Variants in RYR1 observed in about 807,000 individuals in gnomAD.
The protein encoded by RYR1 is central core disease of muscle.
RYR1 carries 342 observed loss-of-function variants against 583.5 expected under a neutral mutation model. That is an observed-to-expected ratio of 0.59 (90% CI 0.54 to 0.64). The LOEUF is 0.64. RYR1 is among the 30% of genes least tolerant of loss of function. The pLI, the probability that RYR1 is intolerant of heterozygous loss-of-function variation, is 0.00. For synonymous variants in RYR1, 2,791 were observed against 2,822.5 expected, an observed-to-expected ratio of 0.99 and a Z score of 0.35; for missense variants, 6,032 against 6,917.2, an observed-to-expected ratio of 0.87 and a Z score of 4.54.
chr19:38,495,251 GAAT>G (rs1333393397), intron 39 of RYR1, among the ~76,000 whole-genome samples: 2 of 152,118 alleles, frequency 1.3e-5, no homozygotes, highest in Non-Finnish European at 2.9e-5. Flanking sequence ...GAGCTCATGC[GAAT>G]AATAATAATT....
At chr19:38,493,622 C>T (rs750890191) in intron 38 of RYR1, among the ~76,000 whole-genome samples, 2 of 150,984 alleles carry the variant, frequency 1.3e-5, no homozygotes, top group African/African-American at 2.4e-5. Flanking sequence ...TGGGTTCAAG[C>T]GATTCTCCTG....
In RYR1 at chr19:38,494,702, T is replaced by C. The variant is rs996384174; in HGVS notation, c.6548+77T>C. ...ACCCTCAGGATACAATAACATTCCCTTCCCCAACTTCTGGCCCATCCTCTG... is the reference window on the plus strand; with the variant it reads ...ACCCTCAGGATACAATAACATTCCCCTCCCCAACTTCTGGCCCATCCTCTG... On this transcript the variant is annotated intron_variant, in intron 39 of 105. Transcript: ENST00000359596. The C allele has an allele frequency of 1.9e-6, 3 of 1,569,688 alleles. No individual in the cohort carries two copies. The African/African-American group carries it at 4.1e-5, about 21-fold the overall frequency.
chr19:38,523,828 G>T, intron 69 of RYR1, 87 bp from the exon 70 acceptor site: 1 of 1,563,122 alleles, frequency 6.4e-7, no homozygotes, highest in East Asian at 2.2e-5. Flanking sequence ...AGAGGAGGTG[G>T]GGTGCTGGCA....
chr19:38,483,440 G>T lies in RYR1; in HGVS notation c.4858G>T (p.Gly1620Cys). The T allele has an allele frequency of 1.3e-6, 2 of 1,575,290 alleles. No individual in the cohort carries two copies. Among genetic ancestry groups the T allele is most frequent in the Non-Finnish European group, 8.6e-7 (1 of 1,163,028 alleles). Residue 1620 changes from glycine to cysteine, a missense_variant, in exon 33 of 106, where the codon GGC (glycine) becomes TGC (cysteine). Around this residue, in one of 11 missense-constraint regions of RYR1, gnomAD observed 2,627 missense variants for 2,961.3 expected, o/e 0.89. Transcript: ENST00000359596. The surrounding 1 kb of genome is among the most constrained non-coding windows in gnomAD (Gnocchi z 6.3). ...HFLQVETRRA[G>C]ERLGWAVQCQ... ...CCTGCAGGTGGAGACGAGGCGTGCC[G>T]GCGAGCGGCTGGGCTGGGCCGTGCA...
At position 38,565,870 on chromosome 19, in the gene RYR1, G is replaced by T; in HGVS notation, c.13437+99G>T. 7.8e-7 allele frequency: 1 copy of T among 1,276,822 alleles called. No individual in the cohort carries two copies. Among genetic ancestry groups the T allele is most frequent in the South Asian group, 2.3e-5 (1 of 43,814 alleles). The allele number at this position is 1,276,822 out of a possible 1,614,324, so 79.1% of individuals were successfully genotyped here. A position where few individuals can be genotyped will look rare whatever the true frequency, so the allele number is the denominator to read the frequency against. ...GGAGACACACACAGAGGAGAGAACT[G>T]GCTAGGGGGATGGGCACACGCACCC... On this transcript the variant is annotated intron_variant, in intron 91 of 105. Coordinates refer to ENST00000359596, the MANE Select transcript of RYR1 (RefSeq NM_000540.3). This position sits in a 1 kb window ranked among gnomAD's most constrained non-coding sequence, Gnocchi z 4.7.
intron 95 of RYR1, 46 bp downstream of exon 95, chr19:38,572,316 T>C: frequency 5.5e-6 from 1 of 181,438 alleles, no homozygotes; most frequent in Non-Finnish European, 9.9e-6. Context: ...ATTGGCTGGG[T>C]GGGGGTGGGG....
intron 53 of RYR1, 62 bp from the exon 54 acceptor site, chr19:38,505,744 G>A: frequency 6.2e-7 from 1 of 1,603,680 alleles, no homozygotes; most frequent in Non-Finnish European, 8.5e-7. Context: ...CTCCTTTGGG[G>A]TCCTTCCTCC....
intron 64 of RYR1, 44 bp from the exon 65 acceptor site, chr19:38,516,043 A>C (rs902457935): frequency 1.3e-6 from 2 of 1,537,632 alleles, no homozygotes; most frequent in Non-Finnish European, 1.8e-6. Context: ...CCAGGACCCC[A>C]AAGAGGGGGA....
Position 38,515,940 on chromosome 19 carries a change from T to G in RYR1, c.9555-147T>G. The stretch of plus-strand genomic sequence containing the variant: ...TGAGTAACAGAGCGAGACCCTGTCT[T>G]AAAAAACAAAACAAGTGGCACACAT... On this transcript the variant is annotated intron_variant, in intron 64 of 105. Coordinates refer to ENST00000359596, the MANE Select transcript of RYR1 (RefSeq NM_000540.3). 3 of 1,037,956 alleles carry G rather than the reference T, an allele frequency of 2.9e-6. No homozygotes were observed. The South Asian group carries it at 5.0e-5, about 17-fold the overall frequency. 64.3% of individuals were successfully genotyped at this position (1,037,956 alleles called of 1,614,324 possible).
chr19:38,481,941 A>T (rs1969030711), intron 31 of RYR1, among the ~76,000 whole-genome samples: 1 of 151,998 alleles, frequency 6.6e-6, no homozygotes, highest in Non-Finnish European at 1.5e-5. Context: ...TACAAAAATT[A>T]GCCTGGCGTG....
intron 17 of RYR1, 73 bp downstream of exon 17, chr19:38,457,703 C>A: frequency 2.0e-6 from 3 of 1,483,708 alleles, no homozygotes; most frequent in South Asian, 2.3e-5. Context: ...ACTCCACACC[C>A]AGATGGATGT....
intron 58 of RYR1, 44 bp downstream of exon 58, chr19:38,507,871 C>A: frequency 3.2e-6 from 4 of 1,244,916 alleles, no homozygotes; most frequent in Non-Finnish European, 4.7e-6. Flanking sequence ...CACCTGCAGA[C>A]ACCAGTTCTG....
intron 90 of RYR1, among the ~76,000 whole-genome samples, chr19:38,562,850 A>G (rs1186661497): frequency 2.6e-5 from 4 of 151,770 alleles, no homozygotes; most frequent in African/African-American, 9.7e-5. Context: ...CTTACTCCTG[A>G]TCCCTCCCTG....
At chr19:38,514,921 G>T in intron 63 of RYR1, 105 bp from the exon 64 acceptor site, 5 of 757,504 alleles carry the variant, frequency 6.6e-6, no homozygotes, top group African/African-American at 1.7e-5. Context: ...CTGTACATCT[G>T]CTTGCTCTTC....
chr19:38,536,875 G>A, intron 83 of RYR1, 108 bp downstream of exon 83: 3 of 1,244,066 alleles, frequency 2.4e-6, no homozygotes, highest in South Asian at 1.2e-5. Context: ...AGGGGAGGGA[G>A]GGACCCTTCA....
At position 38,496,875 on chromosome 19, in the gene RYR1, C is replaced by T. The variant is rs752643745; in HGVS notation, c.6812C>T (p.Thr2271Met). Residue 2271 changes from threonine (T) to methionine (M), a missense_variant, in exon 42 of 106, where the codon ACG becomes ATG. By Grantham distance (81) the Thr-to-Met change is moderately conservative. Coordinates refer to ENST00000359596, the MANE Select transcript of RYR1 (RefSeq NM_000540.3). This position sits in a 1 kb window ranked among gnomAD's most constrained non-coding sequence, Gnocchi z 4.8. ...GCCCCTGCAGGCATGCAGGGCTCCA[C>T]GCCCCTGGACGTGGCTGCTGCCTCC... ...SGIGLGMQGSTPLDVAAASVI... is the reference protein window; with the variant it reads ...SGIGLGMQGSMPLDVAAASVI... 9 of 1,613,462 alleles carry T rather than the reference C, an allele frequency of 5.6e-6. No homozygotes were observed. The highest frequency in any genetic ancestry group is 2.2e-5 in the East Asian group (1 of 44,876).
At chr19:38,566,808 T>C (rs1973459182) in intron 91 of RYR1, 103 bp from the exon 92 acceptor site, 1 of 1,546,002 alleles carries the variant, frequency 6.5e-7, no homozygotes, top group Admixed American at 2.0e-5. Flanking sequence ...AAAACTTAGA[T>C]TACCCAGGGG....
chr19:38,506,528 C>A lies in RYR1; in HGVS notation c.8674C>A (p.Gln2892Lys), dbSNP rs994187867. The A allele has an allele frequency of 6.2e-7, 1 of 1,613,918 alleles. No homozygotes were observed. The highest frequency in any genetic ancestry group is 1.3e-5 in the African/African-American group (1 of 74,894). ...CAACACGTGGGGACGGAAGAAGAAG[C>A]AGGAGCTGGAAGCCAAAGGTGAGGG... ...YHNTWGRKKK[Q>K]ELEAKGGGTH... The change falls in exon 56 of 106, where the codon CAG (glutamine) becomes AAG (lysine). Residue 2892 changes from glutamine to lysine, a missense_variant. By Grantham distance (53) the Gln-to-Lys change is moderately conservative. Coordinates refer to ENST00000359596, the MANE Select transcript of RYR1 (RefSeq NM_000540.3).
rs1421642351 is a variant in RYR1, at chr19:38,532,515, A to G, written c.11167A>G (p.Met3723Val). The G allele has an allele frequency of 1.9e-6, 3 of 1,614,026 alleles. No individual in the cohort carries two copies. Among genetic ancestry groups the G allele is most frequent in the Non-Finnish European group, 2.5e-6 (3 of 1,180,030 alleles). Residue 3723 changes from methionine (M) to valine (V), a missense_variant, in exon 77 of 106, where the codon ATG (methionine) becomes GTG (valine). Coordinates refer to ENST00000359596, the MANE Select transcript of RYR1 (RefSeq NM_000540.3). ...CAAACTGGATGAGGATTACCTGTACATGGCCTATGCTGATATCATGGCAAA... is the reference window on the plus strand; with the variant it reads ...CAAACTGGATGAGGATTACCTGTACGTGGCCTATGCTGATATCATGGCAAA... The part of the protein sequence containing the change: ...KSKLDEDYLY[M>V]AYADIMAKSC...
Sources: gnomAD v4.1 joint callset for allele counts (sites outside exome capture counted in the v4.1 genomes callset) on GRCh38, gnomAD v4.1.1 for gene constraint, gnomAD v4.1.1 regional missense constraint, Gnocchi (gnomAD v3.1) non-coding constraint, MANE v1.5 for transcripts, NCBI Gene and HGNC (gene_info 2026-07-23, HGNC 2026-07-21) for gene names.